AKR1C4: variants seen among roughly 807,000 people sequenced by gnomAD.
AKR1C4 encodes aldo-keto reductase family 1 member C4, also known as 3-alpha-HSD1.
A neutral mutation model predicts 41.0 loss-of-function variants in AKR1C4; 44 were observed. The ratio of observed to expected loss-of-function variants is 1.07; its 90% CI spans 0.84 to 1.38. AKR1C4 has a LOEUF of 1.38. Among genes scored for constraint, AKR1C4 ranks in the 40% most tolerant of loss-of-function variants. AKR1C4 has a pLI of 0.00. For missense variants in AKR1C4, 438 were observed against 387.9 expected, an observed-to-expected ratio of 1.13 and a Z score of -1.09; for synonymous variants, 165 against 137.7, an observed-to-expected ratio of 1.20 and a Z score of -1.39.
intron 1 of AKR1C4, among the ~76,000 whole-genome samples, chr10:5,199,530 G>A (rs1167484897): frequency 2.0e-5 from 3 of 152,068 alleles, no homozygotes; most frequent in Non-Finnish European, 4.4e-5. Flanking sequence ...ACAGAACCGG[G>A]TGGACTTTGA....
At chr10:5,209,387 T>A (rs576563742) in intron 5 of AKR1C4, among the ~76,000 whole-genome samples, 1 of 152,108 alleles carries the variant, frequency 6.6e-6, no homozygotes, top group African/African-American at 2.4e-5. Context: ...AGTTTTACTA[T>A]TCTTTACGTT....
rs560699962 is a variant in AKR1C4 at position 5,205,648 on chromosome 10, C to T, written c.370-109C>T. 1.1e-5 allele frequency: 10 copies of T among 869,894 alleles called. No individual in the cohort carries two copies. In the South Asian group the frequency reaches 1.6e-4, roughly 14 times the overall value. 53.9% of individuals were successfully genotyped at this position (869,894 alleles called of 1,614,324 possible). A position where few individuals can be genotyped will look rare whatever the true frequency, so the allele number is the denominator to read the frequency against. On this transcript the variant is annotated intron_variant, in intron 3 of 8. Coordinates refer to ENST00000263126, the MANE Select transcript of AKR1C4 (RefSeq NM_001818.5). ...ACTTGGCCCACATCACTTTCTAGAA[C>T]ATTTCAGCACCTACCTCACGGTGGA...
chr10:5,204,162 C>T (rs77697233), intron 2 of AKR1C4, among the ~76,000 whole-genome samples: 17,154 of 152,148 alleles, frequency 0.11, 1,181 homozygotes, highest in Admixed American at 0.17. Context: ...TTTTTACCTA[C>T]TGAAAATTTT....
chr10:5,206,181 T>G, intron 4 of AKR1C4, 94 bp from the exon 5 acceptor site: 8 of 1,578,606 alleles, frequency 5.1e-6, no homozygotes, highest in Non-Finnish European at 6.9e-6. Context: ...CATTGTCATA[T>G]CTTAACAGTT....
At chr10:5,199,137 G>A (rs1192708789) in intron 1 of AKR1C4, among the ~76,000 whole-genome samples, 1 of 152,200 alleles carries the variant, frequency 6.6e-6, no homozygotes, top group Non-Finnish European at 1.5e-5. Flanking sequence ...GCCTGGGACT[G>A]AAGAGGTCCA....
intron 8 of AKR1C4, among the ~76,000 whole-genome samples, chr10:5,217,896 A>C (rs374488528): frequency 1.7e-3 from 256 of 152,376 alleles, no homozygotes; most frequent in African/African-American, 5.9e-3. Context: ...TGATGAGGGC[A>C]AAACAAGTTA....
At chr10:5,216,628 AC>A in intron 7 of AKR1C4, 82 bp from the exon 8 acceptor site, 1 of 971,682 alleles carries the variant, frequency 1.0e-6, no homozygotes, top group Non-Finnish European at 1.6e-6. Context: ...TATTGCCTCT[AC>A]ACCCTACTGT....
At chr10:5,201,383 C>T (rs535272040) in intron 2 of AKR1C4, among the ~76,000 whole-genome samples, 19 of 152,086 alleles carry the variant, frequency 1.2e-4, no homozygotes, top group Admixed American at 3.9e-4. Context: ...TTCATATGTT[C>T]GTTGGCTGTT....
chr10:5,203,105 C>T (rs1832426872), intron 2 of AKR1C4, among the ~76,000 whole-genome samples: 1 of 152,050 alleles, frequency 6.6e-6, no homozygotes, highest in Non-Finnish European at 1.5e-5. Flanking sequence ...CTTCTTTGAA[C>T]ATCTCCTGTG....
rs1554797416 is a variant in AKR1C4, at chr10:5,205,788, A to G, written c.401A>G (p.Asn134Ser). The change falls in exon 4 of 9, where the codon AAT becomes AGT. Residue 134 changes from asparagine to serine, a missense_variant. By Grantham distance (46) the Asn-to-Ser change is conservative. Coordinates refer to ENST00000263126, the MANE Select transcript of AKR1C4 (RefSeq NM_001818.5). ...GAGACGCCACTACCAAAAGATGAAA[A>G]TGGAAAAGTAATATTCGACACAGTG... is the stretch of plus-strand genomic sequence containing the variant. The part of the protein sequence containing the change: ...PGETPLPKDE[N>S]GKVIFDTVDL... 1 of 1,613,640 alleles carries G rather than the reference A, an allele frequency of 6.2e-7. No individual in the cohort carries two copies. Among genetic ancestry groups the G allele is most frequent in the Non-Finnish European group, 8.5e-7 (1 of 1,179,646 alleles).
chr10:5,208,052 A>G (rs1249900803), intron 5 of AKR1C4, among the ~76,000 whole-genome samples: 2 of 115,870 alleles, frequency 1.7e-5, no homozygotes, highest in African/African-American at 5.8e-5. Context: ...TAGTGAAATA[A>G]AACTTTAAAG....
Position 5,208,544 on chromosome 10 carries a change from G to T in AKR1C4, c.570+2147G>T, listed in dbSNP as rs527722875. On this transcript the variant is annotated intron_variant, in intron 5 of 8. Coordinates refer to ENST00000263126, the MANE Select transcript of AKR1C4 (RefSeq NM_001818.5). ...ATATGAGTATATCTGCATCAATACA[G>T]GTAGTATTTGTTGAATCTCTTCAAA... is the stretch of plus-strand genomic sequence containing the variant. Among the ~76,000 whole-genome samples, 4 of 151,624 alleles carry T rather than the reference G, an allele frequency of 2.6e-5. 1 individual carries two copies. Among genetic ancestry groups the T allele is most frequent in the African/African-American group, 9.8e-5 (4 of 40,940 alleles).
At chr10:5,205,894 C>CAG (rs2132130200) in intron 4 of AKR1C4, 60 bp downstream of exon 4, 2 of 1,492,152 alleles carry the variant, frequency 1.3e-6, no homozygotes, top group East Asian at 4.6e-5. Context: ...ACCTGTTCCC[C>CAG]AGCTTTCATA....
chr10:5,208,865 A>C (rs1832527914), intron 5 of AKR1C4, among the ~76,000 whole-genome samples: 1 of 150,962 alleles, frequency 6.6e-6, no homozygotes, highest in Non-Finnish European at 1.5e-5. Flanking sequence ...GAGAATTATA[A>C]AACAATGAAG....
Position 5,208,020 on chromosome 10 carries a change from T to C in AKR1C4, c.570+1623T>C, listed in dbSNP as rs113660940. Among the ~76,000 whole-genome samples, 271 of 147,080 alleles carry C rather than the reference T, an allele frequency of 1.8e-3. 16 individuals carry two copies. The highest frequency in any genetic ancestry group is 7.0e-3 in the African/African-American group (256 of 36,802). On this transcript the variant is annotated intron_variant, in intron 5 of 8. Coordinates refer to ENST00000263126, the MANE Select transcript of AKR1C4 (RefSeq NM_001818.5). ...GTATAGTAAATTAACCAGAACACAATTGTGGAAATTTGATGCAAAGTTAGT... is the reference window on the plus strand; with the variant it reads ...GTATAGTAAATTAACCAGAACACAACTGTGGAAATTTGATGCAAAGTTAGT...
chr10:5,212,767 A>T (rs1052522265), intron 6 of AKR1C4, 42 bp downstream of exon 6: 1 of 1,592,394 alleles, frequency 6.3e-7, no homozygotes, highest in African/African-American at 1.3e-5. Flanking sequence ...TGCCATTTTG[A>T]TGAAAAATTT....
rs782262285 is a variant in AKR1C4, at chr10:5,206,341, C to T, written c.514C>T (p.Gln172Ter). The change falls in exon 5 of 9, where the codon CAG (glutamine) becomes TAG (stop). Residue 172 changes from glutamine to a stop codon, truncating the protein, a stop_gained. Transcript: ENST00000263126. LOFTEE classifies it high-confidence loss of function. ...CGGGGTGTCAAACTTCAACTGCAGG[C>T]AGCTGGAGATGATCCTCAACAAGCC... is the stretch of plus-strand genomic sequence containing the variant. ...SIGVSNFNCR[Q>*]LEMILNKPGL... 9 of 1,614,072 alleles carry T rather than the reference C, an allele frequency of 5.6e-6. No homozygotes were observed. The highest frequency in any genetic ancestry group is 7.6e-6 in the Non-Finnish European group (9 of 1,179,998).
intron 5 of AKR1C4, among the ~76,000 whole-genome samples, chr10:5,211,895 CAA>C (rs1175890231): frequency 5.3e-5 from 8 of 152,228 alleles, no homozygotes; most frequent in African/African-American, 1.9e-4. Context: ...CAGCAGCAGG[CAA>C]AGAGACAGCT....
chr10:5,212,520 A>C (rs1242908249), intron 5 of AKR1C4, 96 bp from the exon 6 acceptor site: 4 of 1,138,126 alleles, frequency 3.5e-6, no homozygotes, highest in East Asian at 2.6e-5. Context: ...TATTCTGTTC[A>C]AATTTAATGT....
Sources: allele counts gnomAD v4.1 joint callset (sites outside exome capture counted in the v4.1 genomes callset), GRCh38; gene constraint gnomAD v4.1.1; transcripts MANE v1.5; gene names NCBI Gene and HGNC (gene_info 2026-07-23, HGNC 2026-07-21).